The following L3MBTL4 variants were observed in gnomAD, a reference collection of about 807,000 sequenced individuals.
L3MBTL4 encodes the protein lethal(3)malignant brain tumor-like protein 4.
A neutral mutation model predicts 84.5 loss-of-function variants in L3MBTL4; 70 were observed. The observed-to-expected ratio is 0.83, with a 90% CI of 0.68 to 1.01. L3MBTL4 has a LOEUF of 1.01. Ranked by LOEUF, L3MBTL4 falls within the 50% of genes least tolerant of loss-of-function variation. L3MBTL4 has a pLI of 0.00. For missense variants in L3MBTL4, 715 were observed against 754.8 expected (o/e 0.95, Z 0.62); for synonymous variants, 274 against 259.8 (o/e 1.05, Z -0.52).
chr18:6,271,047 G>A (rs1301462644), intron 4 of L3MBTL4, among the ~76,000 whole-genome samples: 2 of 152,156 alleles, frequency 1.3e-5, no homozygotes, highest in East Asian at 3.9e-4. Context: ...GAGCCCGCGG[G>A]GCATGAGGGG....
At chr18:6,000,620 TA>T (rs2054169905) in intron 16 of L3MBTL4, among the ~76,000 whole-genome samples, 1 of 152,112 alleles carries the variant, frequency 6.6e-6, no homozygotes, top group South Asian at 2.1e-4. Context: ...ACAGAGCAAA[TA>T]TTTAAATATA....
chr18:6,030,657 C>T (rs1057504770), intron 16 of L3MBTL4: 2 of 930,758 alleles, frequency 2.1e-6, no homozygotes, highest in South Asian at 5.0e-5. Flanking sequence ...TGCCACCACA[C>T]CCGGCTAATT....
intron 16 of L3MBTL4, among the ~76,000 whole-genome samples, chr18:6,012,778 A>T (rs2054796169): frequency 1.3e-5 from 2 of 152,208 alleles, no homozygotes; most frequent in Admixed American, 6.5e-5. Context: ...GTCTCTAAGA[A>T]ACAAACAAAT....
chr18:6,101,151 A>G (rs1165785500), intron 14 of L3MBTL4, among the ~76,000 whole-genome samples: 2 of 151,988 alleles, frequency 1.3e-5, no homozygotes, highest in South Asian at 2.1e-4. Flanking sequence ...CTAGAGAGAT[A>G]AGCCTCTTCT....
At chr18:6,228,580 A>T (rs2046871057) in intron 10 of L3MBTL4, among the ~76,000 whole-genome samples, 1 of 152,182 alleles carries the variant, frequency 6.6e-6, no homozygotes, top group Non-Finnish European at 1.5e-5. Flanking sequence ...TGGACAAAAG[A>T]TTTGAATACA....
At chr18:6,130,981 A>C (rs1437137691) in intron 14 of L3MBTL4, among the ~76,000 whole-genome samples, 1 of 152,222 alleles carries the variant, frequency 6.6e-6, no homozygotes, top group Admixed American at 6.5e-5. Context: ...AAACTAAAAT[A>C]AACTTGTCTG....
intron 9 of L3MBTL4, among the ~76,000 whole-genome samples, chr18:6,238,534 A>G (rs2047315552): frequency 6.6e-6 from 1 of 150,476 alleles, no homozygotes; most frequent in African/African-American, 2.4e-5. Context: ...TTCCATCTCA[A>G]AAAAAAAAAG....
intron 16 of L3MBTL4, among the ~76,000 whole-genome samples, chr18:6,060,255 G>A (rs1215702338): frequency 2.6e-5 from 4 of 152,024 alleles, no homozygotes; most frequent in Admixed American, 6.5e-5. Flanking sequence ...TGATCTTTCA[G>A]TCCACTGCAA....
chr18:5,969,325 G>A (rs2052514005), intron 17 of L3MBTL4, 68 bp downstream of exon 17: 1 of 1,548,730 alleles, frequency 6.5e-7, no homozygotes, highest in South Asian at 1.1e-5. Flanking sequence ...AATGGTCAGT[G>A]GGCACCTTCC....
intron 16 of L3MBTL4, among the ~76,000 whole-genome samples, chr18:6,009,147 A>T (rs1475147026): frequency 6.6e-6 from 1 of 152,198 alleles, no homozygotes; most frequent in African/African-American, 2.4e-5. Context: ...GCAGGCAAAG[A>T]TTCTTAGTTA....
chr18:6,079,313 G>A (rs371203222), intron 16 of L3MBTL4, among the ~76,000 whole-genome samples: 1 of 152,182 alleles, frequency 6.6e-6, no homozygotes. Context: ...ACAGGCAGCC[G>A]TGTGCTCCAC....
At chr18:6,153,110 C>A (rs1294578486) in intron 13 of L3MBTL4, among the ~76,000 whole-genome samples, 1 of 152,174 alleles carries the variant, frequency 6.6e-6, no homozygotes, top group Non-Finnish European at 1.5e-5. Flanking sequence ...ATGCTACTAA[C>A]ATACTATTTT....
intron 5 of L3MBTL4, among the ~76,000 whole-genome samples, chr18:6,257,542 A>C (rs147210986): frequency 1.9e-3 from 286 of 152,344 alleles, no homozygotes; most frequent in African/African-American, 6.6e-3. Context: ...AGGAAAATGC[A>C]GAACCAAGGG....
chr18:6,244,379 C>A lies in L3MBTL4; in HGVS notation c.324+105G>T. 4 of 697,586 alleles carry A rather than the reference C, an allele frequency of 5.7e-6. No homozygotes were observed. In the East Asian group the frequency reaches 8.2e-5, roughly 14 times the overall value. 43.2% of individuals were successfully genotyped at this position (697,586 alleles called of 1,614,324 possible). A position where few individuals can be genotyped will look rare whatever the true frequency, so the allele number is the denominator to read the frequency against. On this transcript the variant is annotated intron_variant, in intron 6 of 18. Coordinates refer to ENST00000317931, the MANE Select transcript of L3MBTL4 (RefSeq NM_001330559.2). ...CGCTGACTAAAATAAATCCATAATG[C>A]ACTGGAACTTCTTCATAATAAATAT...
chr18:6,356,499 A>G (rs140689432), intron 1 of L3MBTL4, among the ~76,000 whole-genome samples: 18 of 152,326 alleles, frequency 1.2e-4, no homozygotes, highest in African/African-American at 4.3e-4. Context: ...TCATAGTGCA[A>G]TTACACAAAC....
intron 1 of L3MBTL4, among the ~76,000 whole-genome samples, chr18:6,361,787 C>T (rs1279056525): frequency 6.6e-6 from 1 of 152,164 alleles, no homozygotes; most frequent in Non-Finnish European, 1.5e-5. Context: ...CTTAGGCTTT[C>T]TCTAGTGGGC....
At chr18:6,390,289 T>C (rs1285217465) in intron 1 of L3MBTL4, among the ~76,000 whole-genome samples, 1 of 152,062 alleles carries the variant, frequency 6.6e-6, no homozygotes, top group Non-Finnish European at 1.5e-5. Flanking sequence ...AAATGAATAA[T>C]AGTGACACAA....
At chr18:6,109,640 C>A (rs945918962) in intron 14 of L3MBTL4, among the ~76,000 whole-genome samples, 1 of 152,108 alleles carries the variant, frequency 6.6e-6, no homozygotes, top group East Asian at 1.9e-4. Flanking sequence ...CAAATGCCCA[C>A]GTGCAAACCT....
At chr18:6,276,507 T>C (rs1022475179) in intron 4 of L3MBTL4, among the ~76,000 whole-genome samples, 3 of 152,162 alleles carry the variant, frequency 2.0e-5, no homozygotes, top group Admixed American at 6.5e-5. Flanking sequence ...TGCAAACATA[T>C]GAGCTAAGGG....
Sources: gnomAD v4.1 joint callset for allele counts (sites outside exome capture counted in the v4.1 genomes callset) on GRCh38, gnomAD v4.1.1 for gene constraint, MANE v1.5 for transcripts, NCBI Gene and HGNC (gene_info 2026-07-23, HGNC 2026-07-21) for gene names.